FMN2: variants seen among roughly 807,000 people sequenced by gnomAD.
The protein encoded by FMN2 is formin 2.
Under a neutral mutation model 142.3 loss-of-function variants are expected in FMN2, and 51 were observed. The observed-to-expected ratio is 0.36, with a 90% confidence interval of 0.29 to 0.45. FMN2 has a LOEUF of 0.45. Ranked by LOEUF, FMN2 falls within the 20% of genes least tolerant of loss-of-function variation. The pLI, the probability that FMN2 is intolerant of heterozygous loss-of-function variation, is 1.00. For missense variants in FMN2, 1,936 were observed against 2,122.8 expected (o/e 0.91, Z 1.73); for synonymous variants, 882 against 869.8 (o/e 1.01, Z -0.25).
intron 7 of FMN2, among the ~76,000 whole-genome samples, chr1:240,281,741 C>T (rs1426520218): frequency 1.1e-5 from 1 of 88,948 alleles, no homozygotes; most frequent in Admixed American, 1.2e-4. Flanking sequence ...GGACAAATGA[C>T]ACAATATCAC....
intron 8 of FMN2, among the ~76,000 whole-genome samples, chr1:240,297,491 G>A (rs1670027295): frequency 6.6e-6 from 1 of 151,050 alleles, no homozygotes; most frequent in Non-Finnish European, 1.5e-5. Flanking sequence ...AGCTACTCGG[G>A]AGGCTAAGGC....
intron 8 of FMN2, among the ~76,000 whole-genome samples, chr1:240,325,403 A>G (rs1430373775): frequency 6.6e-6 from 1 of 151,960 alleles, no homozygotes; most frequent in Non-Finnish European, 1.5e-5. Context: ...TTCCTCCAAA[A>G]GTAACATAGG....
intron 15 of FMN2, among the ~76,000 whole-genome samples, chr1:240,413,741 G>A (rs1020443284): frequency 6.6e-5 from 10 of 152,184 alleles, no homozygotes; most frequent in African/African-American, 2.4e-4. Context: ...GATGGGCCCT[G>A]TAGATTCGGA....
intron 15 of FMN2, among the ~76,000 whole-genome samples, chr1:240,394,231 C>G (rs994857883): frequency 1.3e-5 from 2 of 151,986 alleles, no homozygotes; most frequent in Non-Finnish European, 2.9e-5. Context: ...GAAAGGAACT[C>G]AAAAAAGACA....
intron 13 of FMN2, among the ~76,000 whole-genome samples, chr1:240,353,160 C>A (rs1672152454): frequency 6.6e-6 from 1 of 152,206 alleles, no homozygotes; most frequent in Non-Finnish European, 1.5e-5. Context: ...TGTATTTTAT[C>A]TTACACTTCC....
intron 2 of FMN2, among the ~76,000 whole-genome samples, chr1:240,135,179 G>C (rs1379803146): frequency 6.6e-6 from 1 of 152,166 alleles, no homozygotes; most frequent in Non-Finnish European, 1.5e-5. Context: ...ATTTCATCTA[G>C]AATTCCTAAG....
At position 240,256,587 on chromosome 1, in the gene FMN2, A is replaced by C. The variant is rs940812463; in HGVS notation, c.4066-1358A>C. 1.5e-3 allele frequency among the ~76,000 whole-genome samples: 220 copies of C among 142,488 alleles called. 1 individual carries two copies. Among genetic ancestry groups the C allele is most frequent in the Middle Eastern group, 3.4e-3 (1 of 292 alleles). The allele number at this position is 142,488 out of a possible 152,430, so 93.5% of individuals were successfully genotyped here. On this transcript the variant is annotated intron_variant, in intron 6 of 17. Coordinates refer to ENST00000319653, the MANE Select transcript of FMN2 (RefSeq NM_020066.5). ...AACTCGGTCTCCACTAAAAATACAA[A>C]AAAAAAAAAAAAAAATAGCTGGGCA...
chr1:240,432,229 G>A (rs1413299279), intron 15 of FMN2, among the ~76,000 whole-genome samples: 3 of 151,890 alleles, frequency 2.0e-5, no homozygotes, highest in African/African-American at 7.2e-5. Flanking sequence ...GTCAGTTTTA[G>A]AAAGTTCTGT....
chr1:240,357,970 C>T (rs1672332114), intron 14 of FMN2, among the ~76,000 whole-genome samples: 1 of 151,850 alleles, frequency 6.6e-6, no homozygotes, highest in South Asian at 2.1e-4. Context: ...AATACTTCTC[C>T]ATGTTAAATG....
At chr1:240,324,962 C>T (rs574474587) in intron 8 of FMN2, among the ~76,000 whole-genome samples, 140 of 152,152 alleles carry the variant, frequency 9.2e-4, no homozygotes, top group Middle Eastern at 3.4e-3. Context: ...TTATGTGTTT[C>T]TTTAAGATGA....
intron 7 of FMN2, among the ~76,000 whole-genome samples, chr1:240,284,936 C>T (rs1338069011): frequency 6.6e-6 from 1 of 152,134 alleles, no homozygotes; most frequent in South Asian, 2.1e-4. Flanking sequence ...GATCTACTCT[C>T]AGGAACTGGT....
intron 2 of FMN2, chr1:240,171,180 TAA>T: frequency 1.2e-6 from 1 of 841,888 alleles, no homozygotes; most frequent in Non-Finnish European, 2.1e-6. Flanking sequence ...AATATGTGTC[TAA>T]AAAGATAAAA....
At chr1:240,368,582 T>C (rs1248068650) in intron 14 of FMN2, among the ~76,000 whole-genome samples, 1 of 19,640 alleles carries the variant, frequency 5.1e-5, no homozygotes, top group African/African-American at 2.0e-3. Context: ...ATTTGAGATA[T>C]TAAAAAATTT....
Position 240,294,882 on chromosome 1 carries a change from A to C in FMN2, c.4214A>C (p.Asn1405Thr), listed in dbSNP as rs1421769843. The C allele has an allele frequency of 1.6e-5, 26 of 1,613,232 alleles. No individual in the cohort carries two copies. Among genetic ancestry groups the C allele is most frequent in the Non-Finnish European group, 2.2e-5 (26 of 1,179,304 alleles). The change falls in exon 8 of 18, where the codon AAT becomes ACT. Residue 1405 changes from asparagine (N) to threonine (T), a missense_variant and splice_region_variant. This residue lies in a region of FMN2 where 322 missense variants were observed against 401.6 expected (regional missense o/e 0.80). Coordinates refer to ENST00000319653, the MANE Select transcript of FMN2 (RefSeq NM_020066.5). ...GAGACCCTTCAAGCTCTCTATGAGA[A>C]TGTGAGTAATAGAAGGAATTTTATG... ...DLETLQALYE[N>T]RAQSDELEKI...
At position 240,474,900 on chromosome 1, in the gene FMN2, G is replaced by A. The variant is rs1334190931; in HGVS notation, c.*746G>A. On this transcript the variant is annotated 3_prime_UTR_variant, in exon 18 of 18. Coordinates refer to ENST00000319653, the MANE Select transcript of FMN2 (RefSeq NM_020066.5). ...TGGAAAGCAACTTAAGAAAACCAAT[G>A]TTCTAAATCATAATTGTTTGTATTT... The A allele has an allele frequency of 6.6e-6, 1 of 152,508 alleles. No homozygotes were observed. The highest frequency in any genetic ancestry group is 2.4e-5 in the African/African-American group (1 of 41,410). The allele number at this position is 152,508 out of a possible 1,614,324, so 9.4% of individuals were successfully genotyped here.
In FMN2 at chr1:240,257,979, C is replaced by G; in HGVS notation, c.4100C>G (p.Ala1367Gly). 6.2e-7 allele frequency: 1 copy of G among 1,612,674 alleles called. No homozygotes were observed. The highest frequency in any genetic ancestry group is 8.5e-7 in the Non-Finnish European group (1 of 1,179,602). ...TTATTAAGCAACAAAAGATCACAAGCAGTTGGAATACTAATGTCTAGCCTT... is the reference window on the plus strand; with the variant it reads ...TTATTAAGCAACAAAAGATCACAAGGAGTTGGAATACTAATGTCTAGCCTT... ...VKLLSNKRSQAVGILMSSLHL... is the reference protein window; with the variant it reads ...VKLLSNKRSQGVGILMSSLHL... The change falls in exon 7 of 18, where the codon GCA (alanine) becomes GGA (glycine). Residue 1367 changes from alanine (A) to glycine (G), a missense_variant. Physicochemically the swap from Ala to Gly is moderately conservative, Grantham distance 60 (BLOSUM62 0). This residue lies in a region of FMN2 where 259 missense variants were observed against 230.9 expected (regional missense o/e 1.12). Coordinates refer to ENST00000319653, the MANE Select transcript of FMN2 (RefSeq NM_020066.5).
At chr1:240,105,365 T>C (rs1191023156) in intron 1 of FMN2, among the ~76,000 whole-genome samples, 1 of 152,076 alleles carries the variant, frequency 6.6e-6, no homozygotes, top group African/African-American at 2.4e-5. Context: ...CACCTCGGCC[T>C]CCCAGAGTGT....
intron 1 of FMN2, among the ~76,000 whole-genome samples, chr1:240,122,250 GTTAT>G (rs59141517): frequency 0.043 from 6,449 of 149,252 alleles, 451 homozygotes; most frequent in African/African-American, 0.15. Flanking sequence ...ACCACGGCTG[GTTAT>G]TTATTTATTT....
rs571876433 is a variant in FMN2 at position 240,210,305 on chromosome 1, TTGAATTTCCTTTGTG to T, written c.3921-767_3921-753del. ...CCTTGTTCTAATGTTTCATGATTCC[TTGAATTTCCTTTGTG>T]TGAATTTCCTTTGTGTGATGTGGCA... On this transcript the variant is annotated intron_variant, in intron 5 of 17. Coordinates refer to ENST00000319653, the MANE Select transcript of FMN2 (RefSeq NM_020066.5). Among the ~76,000 whole-genome samples, 421 of 152,334 alleles carry T rather than the reference TTGAATTTCCTTTGTG, an allele frequency of 2.8e-3. 3 individuals carry two copies. Among genetic ancestry groups the T allele is most frequent in the South Asian group, 0.028 (133 of 4,826 alleles).
Sources: allele counts gnomAD v4.1 joint callset (sites outside exome capture counted in the v4.1 genomes callset), GRCh38; gene constraint gnomAD v4.1.1; regional missense constraint gnomAD v4.1.1; transcripts MANE v1.5; gene names NCBI Gene and HGNC (gene_info 2026-07-23, HGNC 2026-07-21).